NEDD4L: variants seen among roughly 807,000 people sequenced by gnomAD.
NEDD4L encodes NEDD4 like E3 ubiquitin protein ligase.
NEDD4L carries 54 observed loss-of-function variants against 148.9 expected under a neutral mutation model. That is an observed-to-expected ratio of 0.36 (90% CI 0.29 to 0.45). The LOEUF is 0.45. Ranked by LOEUF, NEDD4L falls within the 20% of genes least tolerant of loss-of-function variation. The pLI, the probability that NEDD4L is intolerant of heterozygous loss-of-function variation, is 1.00. For missense variants in NEDD4L, 856 were observed against 1,233.8 expected (o/e 0.69, Z 4.59); for synonymous variants, 433 against 440.7 (o/e 0.98, Z 0.22).
chr18:58,248,949 A>G lies in NEDD4L; in HGVS notation c.243+12A>G, dbSNP rs780590670. ...AATTTTATTTCAGGGTAAGTTTTTC[A>G]TTGTTTGGTAATAATTGTTATTGAT... is the stretch of plus-strand genomic sequence containing the variant. On this transcript the variant is annotated intron_variant, in intron 4 of 30. Coordinates refer to ENST00000400345, the MANE Select transcript of NEDD4L (RefSeq NM_001144967.3). 1.8e-5 allele frequency: 26 copies of G among 1,418,266 alleles called. No individual in the cohort carries two copies. The highest frequency in any genetic ancestry group is 4.3e-5 in the African/African-American group (3 of 70,248). The allele number at this position is 1,418,266 out of a possible 1,614,324, so 87.9% of individuals were successfully genotyped here.
At chr18:58,095,720 A>T (rs1026821859) in intron 1 of NEDD4L, among the ~76,000 whole-genome samples, 1 of 152,168 alleles carries the variant, frequency 6.6e-6, no homozygotes, top group Non-Finnish European at 1.5e-5. Context: ...GGTTCTTTTC[A>T]TGAACATTTT....
intron 22 of NEDD4L, among the ~76,000 whole-genome samples, chr18:58,369,201 A>C (rs1460954110): frequency 6.6e-6 from 1 of 152,188 alleles, no homozygotes; most frequent in Admixed American, 6.5e-5. Context: ...GAGGTGGGGT[A>C]GCATTTGAGC....
chr18:58,229,793 T>A (rs375158745), intron 2 of NEDD4L, among the ~76,000 whole-genome samples: 1 of 151,956 alleles, frequency 6.6e-6, no homozygotes, highest in East Asian at 1.9e-4. Flanking sequence ...AGATCAAGAC[T>A]ATCCTGGCCA....
At chr18:58,162,200 C>T (rs568112438) in intron 1 of NEDD4L, among the ~76,000 whole-genome samples, 1 of 152,264 alleles carries the variant, frequency 6.6e-6, no homozygotes, top group East Asian at 1.9e-4. Context: ...ACTGAAGCTA[C>T]ATTTTATCAC....
intron 2 of NEDD4L, among the ~76,000 whole-genome samples, chr18:58,234,602 C>T (rs377253840): frequency 6.6e-6 from 1 of 151,924 alleles, no homozygotes; most frequent in South Asian, 2.1e-4. Context: ...CCCAAAGGGG[C>T]GAGATTACAG....
At chr18:58,045,126 C>T in intron 1 of NEDD4L, 1 of 399,186 alleles carries the variant, frequency 2.5e-6, no homozygotes, top group Non-Finnish European at 4.4e-6. Flanking sequence ...AGACCCGGGA[C>T]TGCGGAGAAG....
rs1328625276 is a variant in NEDD4L, at chr18:58,323,277, T to C, written c.456T>C (p.Tyr152=). The C allele has an allele frequency of 1.2e-6, 2 of 1,605,562 alleles. No homozygotes were observed. Among genetic ancestry groups the C allele is most frequent in the Non-Finnish European group, 1.7e-6 (2 of 1,175,814 alleles). ...GATTTTTGCGATTGAAAATGGCCTA[T>C]ATGCCAAAAAATGGAGGTCAAGATG... ...VKGFLRLKMA[Y]MPKNGGQDEE... Residue 152 remains tyrosine (Y), a synonymous_variant, in exon 8 of 31, where the codon TAT becomes TAC. Coordinates refer to ENST00000400345, the MANE Select transcript of NEDD4L (RefSeq NM_001144967.3).
intron 5 of NEDD4L, among the ~76,000 whole-genome samples, chr18:58,299,607 A>G (rs999142106): frequency 3.3e-5 from 5 of 152,194 alleles, no homozygotes; most frequent in African/African-American, 1.2e-4. Context: ...GGTAGAATCA[A>G]TTTACCCACA....
chr18:58,188,116 G>A (rs117287498), intron 2 of NEDD4L, among the ~76,000 whole-genome samples: 1 of 152,198 alleles, frequency 6.6e-6, no homozygotes, highest in Non-Finnish European at 1.5e-5. Context: ...TGCGGCCAAC[G>A]CCTCTGTTCA....
At chr18:58,144,783 A>G (rs1224855065) in intron 1 of NEDD4L, among the ~76,000 whole-genome samples, 1 of 152,252 alleles carries the variant, frequency 6.6e-6, no homozygotes, top group African/African-American at 2.4e-5. Context: ...ATGCAGGTGG[A>G]CAGACTCAGG....
In NEDD4L at chr18:58,385,606, G is replaced by A; in HGVS notation, c.2487+20G>A. ...TTGGAGGTAAGCCATGCTGGCCAGG[G>A]TTCTCTGCCATGTGCCTCTGGTCCC... On this transcript the variant is annotated intron_variant, in intron 26 of 30. Transcript: ENST00000400345. The A allele has an allele frequency of 6.2e-7, 1 of 1,606,918 alleles. No homozygotes were observed. The highest frequency in any genetic ancestry group is 8.5e-7 in the Non-Finnish European group (1 of 1,173,514).
chr18:58,210,063 A>G (rs1288448633), intron 2 of NEDD4L, among the ~76,000 whole-genome samples: 13 of 151,334 alleles, frequency 8.6e-5, no homozygotes. Flanking sequence ...GCTACTCAGG[A>G]GGTGAGGCAG....
In NEDD4L at chr18:58,374,227, T is replaced by A. The variant is rs184316224; in HGVS notation, c.2352+958T>A. On this transcript the variant is annotated intron_variant, in intron 24 of 30. Transcript: ENST00000400345. ...TAAAAATTGTTGGATAAGAAAATAA[T>A]CACATTAATATCAGAATCACTTGTT... is the stretch of plus-strand genomic sequence containing the variant. Among the ~76,000 whole-genome samples, 3 of 152,292 alleles carry A rather than the reference T, an allele frequency of 2.0e-5. No homozygotes were observed. The East Asian group carries it at 5.8e-4, about 29-fold the overall frequency.
chr18:58,215,981 ATTTT>A (rs918205882), intron 2 of NEDD4L, among the ~76,000 whole-genome samples: 3 of 144,606 alleles, frequency 2.1e-5, no homozygotes, highest in African/African-American at 7.6e-5. Context: ...CAAAACAAGA[ATTTT>A]TTTTTTTTTT....
At chr18:58,274,805 G>A (rs1003505973) in intron 5 of NEDD4L, among the ~76,000 whole-genome samples, 6 of 152,190 alleles carry the variant, frequency 3.9e-5, no homozygotes, top group Non-Finnish European at 8.8e-5. Flanking sequence ...TTTCACATCA[G>A]ATACTGTGCC....
chr18:58,284,165 T>G (rs1276032955), intron 5 of NEDD4L, among the ~76,000 whole-genome samples: 1 of 152,254 alleles, frequency 6.6e-6, no homozygotes, highest in East Asian at 1.9e-4. Flanking sequence ...TTGTGGTACT[T>G]TGTTACAGCA....
rs527842888 is a variant in NEDD4L, at chr18:58,232,631, C to T, written c.123-12796C>T. 3.9e-5 allele frequency among the ~76,000 whole-genome samples: 6 copies of T among 152,278 alleles called. No homozygotes were observed. In the South Asian group the frequency reaches 8.3e-4, roughly 21 times the overall value. On this transcript the variant is annotated intron_variant, in intron 2 of 30. Transcript: ENST00000400345. ...TGTGTCGGGATATAGGGGGCATCAC[C>T]GTAATGTGGCTCTTTTTCTGTTGAT... is the stretch of plus-strand genomic sequence containing the variant.
At chr18:58,346,531 A>G (rs778657152) in intron 16 of NEDD4L, among the ~76,000 whole-genome samples, 1 of 152,174 alleles carries the variant, frequency 6.6e-6, no homozygotes, top group Non-Finnish European at 1.5e-5. Flanking sequence ...ATCCAAGTTC[A>G]AACTAATGAA....
intron 2 of NEDD4L, among the ~76,000 whole-genome samples, chr18:58,237,339 G>A (rs985271775): frequency 2.6e-5 from 4 of 152,096 alleles, no homozygotes; most frequent in East Asian, 1.9e-4. Flanking sequence ...TTGTTTCCCC[G>A]TTTCCTTATA....
Sources: gnomAD v4.1 joint callset for allele counts (sites outside exome capture counted in the v4.1 genomes callset) on GRCh38, gnomAD v4.1.1 for gene constraint, MANE v1.5 for transcripts, NCBI Gene and HGNC (gene_info 2026-07-23, HGNC 2026-07-21) for gene names.